Variants in CTNNA3 observed in about 807,000 individuals in gnomAD.
The protein encoded by CTNNA3 is catenin alpha-3.
CTNNA3 carries 76 observed loss-of-function variants against 95.7 expected under a neutral mutation model. The observed-to-expected ratio is 0.79, with a 90% CI of 0.66 to 0.96. The LOEUF is 0.96. CTNNA3 is among the 40% of genes least tolerant of loss of function. The probability of loss-of-function intolerance (pLI) is 0.00; values close to 1 mark genes in which losing one functional copy is unlikely to be tolerated. For synonymous variants in CTNNA3, 431 were observed against 374.4 expected, an observed-to-expected ratio of 1.15 and a Z score of -1.74; for missense variants, 1,191 against 1,089.8, an observed-to-expected ratio of 1.09 and a Z score of -1.31.
intron 5 of CTNNA3, among the ~76,000 whole-genome samples, chr10:67,511,177 C>T (rs1397416591): frequency 1.3e-5 from 2 of 152,114 alleles, no homozygotes; most frequent in Non-Finnish European, 1.5e-5. Flanking sequence ...ATTGAATACC[C>T]TTTACTTCTT....
intron 11 of CTNNA3, among the ~76,000 whole-genome samples, chr10:66,481,454 CTTGT>C (rs1839522586): frequency 1.4e-5 from 2 of 138,916 alleles, no homozygotes; most frequent in African/African-American, 5.4e-5. Context: ...ACCTTATTCC[CTTGT>C]TTCTTTTTTT....
chr10:67,746,560 A>G (rs958613668), intron 1 of CTNNA3, among the ~76,000 whole-genome samples: 2 of 152,152 alleles, frequency 1.3e-5, no homozygotes, highest in African/African-American at 4.8e-5. Flanking sequence ...AGAAAAGCAG[A>G]GTGGTGCCTC....
intron 13 of CTNNA3, among the ~76,000 whole-genome samples, chr10:66,185,278 C>G (rs1410999919): frequency 6.6e-6 from 1 of 151,842 alleles, no homozygotes; most frequent in African/African-American, 2.4e-5. Flanking sequence ...ATGGTAAATA[C>G]CAGAGACAAC....
chr10:66,588,403 T>C (rs149400980), intron 10 of CTNNA3, among the ~76,000 whole-genome samples: 5 of 152,314 alleles, frequency 3.3e-5, no homozygotes, highest in Non-Finnish European at 7.3e-5. Context: ...CTCTGCACAC[T>C]ATTTTGTCTT....
chr10:67,709,652 T>C (rs1180797208), intron 1 of CTNNA3, among the ~76,000 whole-genome samples: 1 of 150,132 alleles, frequency 6.7e-6, no homozygotes, highest in Non-Finnish European at 1.5e-5. Flanking sequence ...ATTGGGTTCC[T>C]CATCCACCAC....
chr10:66,676,606 C>G (rs556689571), intron 9 of CTNNA3, among the ~76,000 whole-genome samples: 3 of 152,148 alleles, frequency 2.0e-5, no homozygotes, highest in East Asian at 1.9e-4. Context: ...CTCTTTCTCC[C>G]TCTCACAACC....
At chr10:67,305,939 T>C (rs978034103) in intron 5 of CTNNA3, among the ~76,000 whole-genome samples, 2 of 152,160 alleles carry the variant, frequency 1.3e-5, no homozygotes, top group Non-Finnish European at 1.5e-5. Context: ...TGAGGAGATA[T>C]TGGTCTATGG....
chr10:66,195,121 G>T (rs1320854015), intron 13 of CTNNA3, among the ~76,000 whole-genome samples: 1 of 151,774 alleles, frequency 6.6e-6, no homozygotes, highest in Non-Finnish European at 1.5e-5. Flanking sequence ...TGATCATATT[G>T]GCCACTGATA....
At chr10:67,246,627 C>G (rs1172996560) in intron 5 of CTNNA3, among the ~76,000 whole-genome samples, 1 of 152,116 alleles carries the variant, frequency 6.6e-6, no homozygotes, top group Non-Finnish European at 1.5e-5. Flanking sequence ...CACGGAATAT[C>G]TTATAAATTT....
chr10:67,625,063 G>A (rs1843986983), intron 2 of CTNNA3, among the ~76,000 whole-genome samples: 1 of 152,148 alleles, frequency 6.6e-6, no homozygotes, highest in African/African-American at 2.4e-5. Context: ...GCCATCCAGT[G>A]GGCATGATTT....
At chr10:67,393,445 C>T (rs1316647172) in intron 5 of CTNNA3, among the ~76,000 whole-genome samples, 1 of 151,944 alleles carries the variant, frequency 6.6e-6, no homozygotes, top group African/African-American at 2.4e-5. Context: ...AAGTAATATC[C>T]CCAGTATATT....
rs1051758739 is a variant in CTNNA3, at chr10:66,153,317, T to C, written c.1885-50068A>G. 2.7e-5 allele frequency among the ~76,000 whole-genome samples: 4 copies of C among 150,058 alleles called. No individual in the cohort carries two copies. In the East Asian group the frequency reaches 5.8e-4, roughly 22 times the overall value. ...TCTCAGGGTTGGACTCTGTTAATCATATATTTTTTCTTTGAATGTGAAGCC... is the reference window on the plus strand; with the variant it reads ...TCTCAGGGTTGGACTCTGTTAATCACATATTTTTTCTTTGAATGTGAAGCC... On this transcript the variant is annotated intron_variant, in intron 13 of 17. Transcript: ENST00000433211.
At chr10:67,703,685 C>T (rs1034057652) in intron 1 of CTNNA3, among the ~76,000 whole-genome samples, 2 of 152,094 alleles carry the variant, frequency 1.3e-5, no homozygotes, top group African/African-American at 4.8e-5. Flanking sequence ...AATGGGCAAA[C>T]ACTGGAAGCA....
At chr10:66,050,049 T>C (rs2079915028) in intron 15 of CTNNA3, among the ~76,000 whole-genome samples, 1 of 152,174 alleles carries the variant, frequency 6.6e-6, no homozygotes, top group Non-Finnish European at 1.5e-5. Context: ...TATTACAATA[T>C]ATTATATTTC....
intron 9 of CTNNA3, among the ~76,000 whole-genome samples, chr10:66,699,446 T>C (rs1847870886): frequency 6.6e-6 from 1 of 152,134 alleles, no homozygotes; most frequent in Admixed American, 6.6e-5. Context: ...TGTGAGGTGA[T>C]ATCTCATTTT....
chr10:66,380,231 A>T (rs781483782), intron 11 of CTNNA3, among the ~76,000 whole-genome samples: 12 of 151,710 alleles, frequency 7.9e-5, no homozygotes, highest in Non-Finnish European at 1.3e-4. Flanking sequence ...GCTTGTGTAT[A>T]TGTGCTGACT....
At chr10:66,157,442 TAGATGATA>T (rs1423019776) in intron 13 of CTNNA3, among the ~76,000 whole-genome samples, 1 of 151,308 alleles carries the variant, frequency 6.6e-6, no homozygotes, top group East Asian at 1.9e-4. Flanking sequence ...GATAGATAGA[TAGATGATA>T]GATAGATAGA....
intron 2 of CTNNA3, among the ~76,000 whole-genome samples, chr10:67,613,945 C>T (rs567544549): frequency 2.0e-5 from 3 of 152,266 alleles, no homozygotes; most frequent in African/African-American, 7.2e-5. Context: ...GAGCCACAGA[C>T]CTTTGCAGTG....
At chr10:67,114,346 A>G (rs1057341430) in intron 7 of CTNNA3, among the ~76,000 whole-genome samples, 1 of 152,144 alleles carries the variant, frequency 6.6e-6, no homozygotes, top group East Asian at 1.9e-4. Context: ...AATTCTGTTC[A>G]AAGAGTAAAA....
Sources: allele counts gnomAD v4.1 joint callset (sites outside exome capture counted in the v4.1 genomes callset), GRCh38; gene constraint gnomAD v4.1.1; transcripts MANE v1.5; gene names NCBI Gene and HGNC (gene_info 2026-07-23, HGNC 2026-07-21).